Variants in COL4A2 observed in about 807,000 individuals in gnomAD.
COL4A2 encodes the protein collagen type IV alpha 2 chain.
Under a neutral mutation model 200.2 loss-of-function variants are expected in COL4A2, and 99 were observed. That is an observed-to-expected ratio of 0.49 (90% confidence interval 0.42 to 0.58). The LOEUF is 0.58. Ranked by LOEUF, COL4A2 falls within the 20% of genes least tolerant of loss-of-function variation. COL4A2 has a pLI of 0.00. For synonymous variants in COL4A2, 897 were observed against 900.6 expected (o/e 1.00, Z 0.07); for missense variants, 1,950 against 2,314.1 (o/e 0.84, Z 3.23).
At chr13:110,386,668 T>C (rs1225202005) in intron 4 of COL4A2, among the ~76,000 whole-genome samples, 1 of 152,206 alleles carries the variant, frequency 6.6e-6, no homozygotes, top group African/African-American at 2.4e-5. Flanking sequence ...ATAATAATAA[T>C]AGCATTGTTA....
chr13:110,419,605 G>C (rs1261350508), intron 4 of COL4A2, among the ~76,000 whole-genome samples: 1 of 152,144 alleles, frequency 6.6e-6, no homozygotes, highest in Non-Finnish European at 1.5e-5. Context: ...GGGAGTGTCG[G>C]GACCCTGAGC....
chr13:110,410,995 C>T (rs183779796), intron 4 of COL4A2, among the ~76,000 whole-genome samples: 8 of 152,320 alleles, frequency 5.3e-5, no homozygotes, highest in Admixed American at 3.9e-4. Flanking sequence ...GCCCTTTTCT[C>T]CTCTCAGCTG....
chr13:110,484,477 C>A (rs931739629), intron 32 of COL4A2, among the ~76,000 whole-genome samples: 2 of 152,298 alleles, frequency 1.3e-5, no homozygotes, highest in South Asian at 4.1e-4. Context: ...CCATGCTTCT[C>A]CTCCCTGTGA....
intron 3 of COL4A2, among the ~76,000 whole-genome samples, chr13:110,331,264 A>T (rs11616771): frequency 0.05 from 7,605 of 152,340 alleles, 246 homozygotes; most frequent in Non-Finnish European, 0.068. Context: ...ATCCTAAAAG[A>T]GGAGGTAAGA....
chr13:110,482,909 G>T (rs1029852829), intron 32 of COL4A2, among the ~76,000 whole-genome samples: 1 of 152,142 alleles, frequency 6.6e-6, no homozygotes, highest in Non-Finnish European at 1.5e-5. Context: ...TGATGGCATC[G>T]CTAAGAACCA....
chr13:110,485,585 G>A, intron 33 of COL4A2, 70 bp from the exon 34 acceptor site: 4 of 1,179,330 alleles, frequency 3.4e-6, no homozygotes, highest in African/African-American at 1.6e-5. Context: ...CATCCAGGCT[G>A]CAAAATTGAA....
At position 110,503,405 on chromosome 13, in the gene COL4A2, C is replaced by T. The variant is rs886771211; in HGVS notation, c.4062C>T (p.Phe1354=). The T allele has an allele frequency of 1.9e-6, 3 of 1,598,584 alleles. No homozygotes were observed. Among genetic ancestry groups the T allele is most frequent in the African/African-American group, 1.3e-5 (1 of 74,596 alleles). The part of the protein sequence containing the change: ...GEKGPRGEQG[F]MGNTGPTGAV... The stretch of plus-strand genomic sequence containing the variant: ...CAGGGCCCAGGGGTGAACAAGGCTT[C>T]ATGGGGAACACTGGACCCACTGGGG... The change falls in exon 43 of 48, where the codon TTC becomes TTT. Residue 1354 remains phenylalanine, a synonymous_variant. Transcript: ENST00000360467.
intron 3 of COL4A2, among the ~76,000 whole-genome samples, chr13:110,350,487 C>T (rs561165792): frequency 2.6e-5 from 4 of 152,268 alleles, no homozygotes; most frequent in African/African-American, 7.2e-5. Context: ...CAGCACAGGT[C>T]ACAGAGGTCA....
At position 110,511,917 on chromosome 13, in the gene COL4A2, C is replaced by T. The variant is rs1418461900; in HGVS notation, c.4882-17C>T. 1.2e-6 allele frequency: 2 copies of T among 1,613,158 alleles called. No homozygotes were observed. The highest frequency in any genetic ancestry group is 1.7e-6 in the Non-Finnish European group (2 of 1,179,986). On this transcript the variant is annotated splice_polypyrimidine_tract_variant and intron_variant, in intron 47 of 47. Coordinates refer to ENST00000360467, the MANE Select transcript of COL4A2 (RefSeq NM_001846.4). The stretch of plus-strand genomic sequence containing the variant: ...GGCTGTGATTCCTAACCCTGTCCTG[C>T]CCCCCTCTCTGTGCAGCACACGGCG...
intron 3 of COL4A2, among the ~76,000 whole-genome samples, chr13:110,336,702 G>T (rs1876207637): frequency 6.6e-6 from 1 of 152,186 alleles, no homozygotes; most frequent in Non-Finnish European, 1.5e-5. Context: ...TCATCTGCAA[G>T]CAGCTCATCT....
rs1274962113 is a variant in COL4A2 at position 110,474,748 on chromosome 13, GCACACT to G, written c.2425+1604_2425+1609del. Among the ~76,000 whole-genome samples, 2 of 95,678 alleles carry G rather than the reference GCACACT, an allele frequency of 2.1e-5. 1 individual carries two copies. Among genetic ancestry groups the G allele is most frequent in the Non-Finnish European group, 4.2e-5 (2 of 47,172 alleles). The allele number at this position is 95,678 out of a possible 152,430, so 62.8% of individuals were successfully genotyped here. A position where few individuals can be genotyped will look rare whatever the true frequency, so the allele number is the denominator to read the frequency against. ...ACGCACGTACCCACACACGTGCCGT[GCACACT>G]CACACATCACACACGCACGTACCCA... On this transcript the variant is annotated intron_variant, in intron 29 of 47. Coordinates refer to ENST00000360467, the MANE Select transcript of COL4A2 (RefSeq NM_001846.4).
At position 110,432,313 on chromosome 13, in the gene COL4A2, G is replaced by A. The variant is rs766153186; in HGVS notation, c.649-12G>A. On this transcript the variant is annotated splice_polypyrimidine_tract_variant and intron_variant, in intron 10 of 47. Transcript: ENST00000360467. ...AAGAAAACCATTTACACATTTCTTTGTATTTGTACAGGGACCACCTGGACC... is the reference window on the plus strand; with the variant it reads ...AAGAAAACCATTTACACATTTCTTTATATTTGTACAGGGACCACCTGGACC... The A allele has an allele frequency of 1.9e-6, 3 of 1,603,246 alleles. No homozygotes were observed. The highest frequency in any genetic ancestry group is 1.1e-5 in the South Asian group (1 of 88,740).
At chr13:110,434,554 T>C (rs1271975250) in intron 12 of COL4A2, 112 bp downstream of exon 12, 3 of 1,082,738 alleles carry the variant, frequency 2.8e-6, no homozygotes, top group Non-Finnish European at 4.2e-6. Flanking sequence ...TGAGTTGATC[T>C]GCAGACAGAC....
intron 3 of COL4A2, among the ~76,000 whole-genome samples, chr13:110,311,048 T>C (rs1426608413): frequency 1.3e-5 from 2 of 152,184 alleles, no homozygotes; most frequent in African/African-American, 2.4e-5. Flanking sequence ...TTGAGTCTCC[T>C]GGGGTGTGGG....
In COL4A2 at chr13:110,307,386, G is replaced by A; in HGVS notation, c.-187G>A. 1 of 228,614 alleles carries A rather than the reference G, an allele frequency of 4.4e-6. No individual in the cohort carries two copies. Among genetic ancestry groups the A allele is most frequent in the Non-Finnish European group, 8.4e-6 (1 of 118,632 alleles). The allele number at this position is 228,614 out of a possible 1,614,324, so 14.2% of individuals were successfully genotyped here. ...GCCCGCGCGTTCGCGGATCCAGGCCGAGGACCGAAAGGGGCCGCCCGAGCC... is the reference window on the plus strand; with the variant it reads ...GCCCGCGCGTTCGCGGATCCAGGCCAAGGACCGAAAGGGGCCGCCCGAGCC... On this transcript the variant is annotated 5_prime_UTR_variant, in exon 1 of 48. Transcript: ENST00000360467. This position sits in a 1 kb window ranked among gnomAD's most constrained non-coding sequence, Gnocchi z 5.0.
chr13:110,436,232 G>T (rs755314375), intron 12 of COL4A2, 37 bp from the exon 13 acceptor site: 1 of 1,611,944 alleles, frequency 6.2e-7, no homozygotes, highest in Non-Finnish European at 8.5e-7. Context: ...GTTTCCTTTC[G>T]ATTTAAAGAC....
chr13:110,354,729 A>G (rs1332048709), intron 3 of COL4A2, among the ~76,000 whole-genome samples: 3 of 151,924 alleles, frequency 2.0e-5, no homozygotes, highest in African/African-American at 7.2e-5. Flanking sequence ...AGAGTTCTCT[A>G]GTAGAAAATT....
At chr13:110,419,301 C>G (rs916629767) in intron 4 of COL4A2, among the ~76,000 whole-genome samples, 4 of 152,202 alleles carry the variant, frequency 2.6e-5, no homozygotes, top group African/African-American at 9.6e-5. Flanking sequence ...CAGTAAAATA[C>G]TGTACTGTAG....
intron 4 of COL4A2, among the ~76,000 whole-genome samples, chr13:110,372,760 A>G (rs1878072737): frequency 6.6e-6 from 1 of 152,238 alleles, no homozygotes. Flanking sequence ...AAAGCTTCAT[A>G]TGAAATAATC....
Sources: gnomAD v4.1 joint callset for allele counts (sites outside exome capture counted in the v4.1 genomes callset) on GRCh38, gnomAD v4.1.1 for gene constraint, Gnocchi (gnomAD v3.1) non-coding constraint, MANE v1.5 for transcripts, NCBI Gene and HGNC (gene_info 2026-07-23, HGNC 2026-07-21) for gene names.